The following ZNF302 variants were observed in gnomAD, a reference collection of about 807,000 sequenced individuals.
ZNF302 encodes zinc finger protein 327.
In ZNF302, 12 loss-of-function variants were observed where a neutral mutation model predicts 10.8. That is an observed-to-expected ratio of 1.11 (90% confidence interval 0.71 to 1.79). The LOEUF (loss-of-function observed/expected upper bound fraction) is 1.79, where lower values mean the gene tolerates loss of function less well. Among genes scored for constraint, ZNF302 ranks in the 40% most tolerant of loss-of-function variants. The pLI, the probability that ZNF302 is intolerant of heterozygous loss-of-function variation, is 0.00. For missense variants in ZNF302, 461 were observed against 471.1 expected (o/e 0.98, Z 0.20); for synonymous variants, 178 against 157.5 (o/e 1.13, Z -0.98).
At chr19:34,677,526 G>A (rs1429539149), upstream of ZNF302, 1 of 152,324 alleles carries the variant, frequency 6.6e-6, no homozygotes, top group Non-Finnish European at 1.5e-5. Flanking sequence ...ACAAAGCCGT[G>A]ACCGGTTTGC....
chr19:34,680,616 T>C (rs1278962285), intron 2 of ZNF302, among the ~76,000 whole-genome samples: 2 of 152,354 alleles, frequency 1.3e-5, no homozygotes, highest in South Asian at 2.1e-4. Context: ...TATGTTCTTT[T>C]GGGAACTGAG....
At chr19:34,683,100 CCT>C in intron 3 of ZNF302, 53 bp from the exon 4 acceptor site, 1 of 1,606,388 alleles carries the variant, frequency 6.2e-7, no homozygotes, top group Middle Eastern at 1.7e-4. Flanking sequence ...CTTGTGATGG[CCT>C]CTCATAATAG....
Position 34,686,003 on chromosome 19 carries a change from C to A in ZNF302, c.*766C>A, listed in dbSNP as rs1356168735. ...GAATTTTTCAGTTCCAAGTGCATCC[C>A]TTATTCTATAGGAAATAAACTGGAG... On this transcript the variant is annotated 3_prime_UTR_variant, in exon 5 of 5. Coordinates refer to ENST00000505242, the MANE Select transcript of ZNF302 (RefSeq NM_001289187.2). 1 of 155,746 alleles carries A rather than the reference C, an allele frequency of 6.4e-6. No homozygotes were observed. Among genetic ancestry groups the A allele is most frequent in the Non-Finnish European group, 1.4e-5 (1 of 70,384 alleles). The allele number at this position is 155,746 out of a possible 1,614,324, so 9.6% of individuals were successfully genotyped here.
chr19:34,675,991 A>C (rs2067924414), upstream of ZNF302: 1 of 152,358 alleles, frequency 6.6e-6, no homozygotes, highest in Non-Finnish European at 1.5e-5. Flanking sequence ...CCAAAGAGCA[A>C]AAGAACAAAC....
upstream of ZNF302, chr19:34,676,670 C>T (rs1413638738): frequency 6.6e-6 from 1 of 152,166 alleles, no homozygotes; most frequent in Non-Finnish European, 1.5e-5. Flanking sequence ...CGGATCCGGA[C>T]CCCTTTCTGG....
intron 4 of ZNF302, chr19:34,683,877 C>A: frequency 3.3e-6 from 3 of 918,192 alleles, no homozygotes; most frequent in Non-Finnish European, 4.3e-6. Context: ...AAACAAAATG[C>A]AACCTTTCCC....
Position 34,685,141 on chromosome 19 carries a change from A to C in ZNF302, c.1104A>C (p.Lys368Asn). Residue 368 changes from lysine (K) to asparagine (N), a missense_variant, in exon 5 of 5, where the codon AAA (lysine) becomes AAC (asparagine). Coordinates refer to ENST00000505242, the MANE Select transcript of ZNF302 (RefSeq NM_001289187.2). ...QHQRIHSMKK[K>N]YECNKCLKVF... Reference sequence around the variant, plus strand: ...AAAGAATTCACAGTATGAAGAAAAAATATGAATGCAACAAATGTCTCAAGG... The same window carrying C: ...AAAGAATTCACAGTATGAAGAAAAACTATGAATGCAACAAATGTCTCAAGG... 1 of 1,611,224 alleles carries C rather than the reference A, an allele frequency of 6.2e-7. No individual in the cohort carries two copies. Among genetic ancestry groups the C allele is most frequent in the Non-Finnish European group, 8.5e-7 (1 of 1,179,116 alleles).
intron 2 of ZNF302, among the ~76,000 whole-genome samples, chr19:34,680,845 G>C (rs2068305768): frequency 6.6e-6 from 1 of 152,190 alleles, no homozygotes; most frequent in Non-Finnish European, 1.5e-5. Flanking sequence ...ATAAGTTATT[G>C]TTTATTTGGA....
chr19:34,678,462 A>G (rs971668021), intron 1 of ZNF302, among the ~76,000 whole-genome samples: 1 of 151,782 alleles, frequency 6.6e-6, no homozygotes, highest in Non-Finnish European at 1.5e-5. Flanking sequence ...CTGGAATAAT[A>G]TGAATGCACA....
rs2068062941 is a variant in ZNF302 at position 34,677,996 on chromosome 19, A to C, written c.-176A>C. On this transcript the variant is annotated 5_prime_UTR_variant, in exon 1 of 5. Transcript: ENST00000505242. ...GTGATGACGGCGCCGACCTCTTGGC[A>C]CTGTTGTGAGAGCGAAGTGGGCGCG... 6.6e-6 allele frequency: 1 copy of C among 152,186 alleles called. No homozygotes were observed. The highest frequency in any genetic ancestry group is 6.5e-5 in the Admixed American group (1 of 15,288). The allele number at this position is 152,186 out of a possible 1,614,324, so 9.4% of individuals were successfully genotyped here.
At chr19:34,680,067 C>G in intron 2 of ZNF302, 1 of 642,130 alleles carries the variant, frequency 1.6e-6, no homozygotes, top group Non-Finnish European at 2.8e-6. Context: ...CCCAGTTACT[C>G]GGGAGGCTGA....
chr19:34,678,594 G>T, intron 1 of ZNF302, 143 bp from the exon 2 acceptor site: 1 of 565,878 alleles, frequency 1.8e-6, no homozygotes, highest in African/African-American at 1.9e-5. Context: ...CCCTTGCGGA[G>T]AAACACCCTG....
At chr19:34,683,298 A>G (rs769596450) in intron 4 of ZNF302, 60 bp downstream of exon 4, 315 of 1,602,264 alleles carry the variant, frequency 2.0e-4, no homozygotes, top group Non-Finnish European at 2.6e-4. Context: ...AAAGATGTTT[A>G]TAGTGAGTGT....
Position 34,685,330 on chromosome 19 carries a change from G to A in ZNF302, c.*93G>A, listed in dbSNP as rs2068606779. On this transcript the variant is annotated 3_prime_UTR_variant, in exon 5 of 5. Transcript: ENST00000505242. ...AACCCTACGAATGCAGTATATGTGG[G>A]AAAGCCTTTAGTCATAGGTCGTCCC... The A allele has an allele frequency of 2.5e-6, 4 of 1,613,944 alleles. No homozygotes were observed. The South Asian group carries it at 3.3e-5, about 13-fold the overall frequency.
At position 34,685,014 on chromosome 19, in the gene ZNF302, C is replaced by G. The variant is rs762107773; in HGVS notation, c.977C>G (p.Ser326Trp). Residue 326 changes from serine to tryptophan, a missense_variant, in exon 5 of 5, where the codon TCG becomes TGG. By Grantham distance (177) the Ser-to-Trp change is radical. Coordinates refer to ENST00000505242, the MANE Select transcript of ZNF302 (RefSeq NM_001289187.2). Reference sequence around the variant, plus strand: ...TGTGGAAAGGCCTTCATTCATAGTTCGTCTCTCATTCACCATCAGAAAAGC... The same window carrying G: ...TGTGGAAAGGCCTTCATTCATAGTTGGTCTCTCATTCACCATCAGAAAAGC... The part of the protein sequence containing the change: ...RICGKAFIHS[S>W]SLIHHQKSHT... The G allele has an allele frequency of 2.0e-5, 32 of 1,613,502 alleles. 1 individual carries two copies. Among genetic ancestry groups the G allele is most frequent in the Non-Finnish European group, 2.5e-5 (30 of 1,179,830 alleles).
chr19:34,677,056 G>C (rs2067980811), upstream of ZNF302: 1 of 151,434 alleles, frequency 6.6e-6, no homozygotes, highest in South Asian at 2.1e-4. Context: ...TCACAGATAC[G>C]TGTCCCCTTG....
chr19:34,683,276 G>C, intron 4 of ZNF302, 38 bp downstream of exon 4: 1 of 1,612,352 alleles, frequency 6.2e-7, no homozygotes, highest in Non-Finnish European at 8.5e-7. Context: ...CGAGACAAAG[G>C]AAGATTTTGT....
intron 2 of ZNF302, chr19:34,679,758 A>G: frequency 1.5e-6 from 1 of 653,026 alleles, no homozygotes; most frequent in South Asian, 1.7e-5. Context: ...CTGTATGTTC[A>G]GTATATGCAC....
rs1600115383 is a variant in ZNF302, at chr19:34,685,293, A to C, written c.*56A>C. The C allele has an allele frequency of 9.9e-6, 16 of 1,613,948 alleles. No homozygotes were observed. The East Asian group carries it at 3.6e-4, about 36-fold the overall frequency. ...TCACTGAATATGCATTTGAGAAATC[A>C]CATTAGATTGAAACCCTACGAATGC... On this transcript the variant is annotated 3_prime_UTR_variant, in exon 5 of 5. Coordinates refer to ENST00000505242, the MANE Select transcript of ZNF302 (RefSeq NM_001289187.2).
Sources: allele counts gnomAD v4.1 joint callset (sites outside exome capture counted in the v4.1 genomes callset), GRCh38; gene constraint gnomAD v4.1.1; transcripts MANE v1.5; gene names NCBI Gene and HGNC (gene_info 2026-07-23, HGNC 2026-07-21).